The following PABPC4L variants were observed in gnomAD, a reference collection of about 807,000 sequenced individuals.
The protein encoded by PABPC4L is poly(A) binding protein cytoplasmic 4 like.
For missense variants in PABPC4L, 452 were observed against 451.4 expected (o/e 1.00, Z -0.01); for synonymous variants, 169 against 164.1 (o/e 1.03, Z -0.23).
chr4:134,020,511 T>C, the PABPC4L span, among the ~76,000 whole-genome samples: 2 of 152,050 alleles, frequency 1.3e-5, no homozygotes, highest in Non-Finnish European at 2.9e-5. Flanking sequence ...ACCTTAAACA[T>C]CTAGAAGCTA....
chr4:134,090,941 G>T, the PABPC4L span, among the ~76,000 whole-genome samples: 1 of 151,722 alleles, frequency 6.6e-6, no homozygotes, highest in Non-Finnish European at 1.5e-5. Flanking sequence ...TCTAATATCT[G>T]GTAAGTCTGA....
the PABPC4L span, among the ~76,000 whole-genome samples, chr4:134,147,586 TA>T: frequency 3.3e-5 from 5 of 152,078 alleles, no homozygotes; most frequent in Admixed American, 3.3e-4. Flanking sequence ...ATTCATGAAC[TA>T]AAAGAAAGAC....
the PABPC4L span, among the ~76,000 whole-genome samples, chr4:134,161,605 T>C: frequency 6.6e-6 from 1 of 152,112 alleles, no homozygotes; most frequent in Non-Finnish European, 1.5e-5. Context: ...AATAAAGATC[T>C]ACCAGACAAA....
At chr4:133,968,372 C>T in the PABPC4L span, among the ~76,000 whole-genome samples, 3 of 152,244 alleles carry the variant, frequency 2.0e-5, no homozygotes, top group South Asian at 2.1e-4. Flanking sequence ...TTGTTGACAA[C>T]GTGATAAATG....
the PABPC4L span, among the ~76,000 whole-genome samples, chr4:134,042,995 T>C: frequency 6.6e-6 from 1 of 152,144 alleles, no homozygotes; most frequent in East Asian, 1.9e-4. Context: ...TAAATGAAGG[T>C]CTTTTCTTGT....
chr4:133,988,311 C>T, the PABPC4L span, among the ~76,000 whole-genome samples: 1 of 152,152 alleles, frequency 6.6e-6, no homozygotes, highest in Non-Finnish European at 1.5e-5. Flanking sequence ...TCATCTGAGA[C>T]AAGGCAAGTG....
the PABPC4L span, among the ~76,000 whole-genome samples, chr4:134,003,269 C>T: frequency 6.6e-6 from 1 of 151,928 alleles, no homozygotes; most frequent in Non-Finnish European, 1.5e-5. Flanking sequence ...ATTCACATGT[C>T]CATTAGAAAC....
At chr4:133,964,666 T>C in the PABPC4L span, among the ~76,000 whole-genome samples, 5,875 of 151,950 alleles carry the variant, frequency 0.039, 158 homozygotes, top group Middle Eastern at 0.11. Flanking sequence ...GGTTCACATA[T>C]GCAAGTCAAC....
the PABPC4L span, among the ~76,000 whole-genome samples, chr4:133,973,339 T>A: frequency 6.7e-6 from 1 of 150,348 alleles, no homozygotes; most frequent in South Asian, 2.1e-4. Flanking sequence ...CTTACAAAAA[T>A]CTGATGCCCC....
At chr4:133,956,131 A>C in the PABPC4L span, among the ~76,000 whole-genome samples, 3 of 152,162 alleles carry the variant, frequency 2.0e-5, no homozygotes, top group African/African-American at 7.2e-5. Flanking sequence ...TGCTTGAAAA[A>C]CAAATTTAAA....
the PABPC4L span, among the ~76,000 whole-genome samples, chr4:134,060,309 T>C: frequency 6.6e-6 from 1 of 151,894 alleles, no homozygotes; most frequent in Non-Finnish European, 1.5e-5. Context: ...AGTGCTGAGC[T>C]GGGCTTATAG....
At chr4:133,973,238 A>G in the PABPC4L span, among the ~76,000 whole-genome samples, 1 of 151,982 alleles carries the variant, frequency 6.6e-6, no homozygotes, top group East Asian at 1.9e-4. Flanking sequence ...TTGGCTAAAG[A>G]AGATCTTCTA....
the PABPC4L span, among the ~76,000 whole-genome samples, chr4:134,040,404 G>A: frequency 1.3e-5 from 2 of 151,940 alleles, no homozygotes; most frequent in South Asian, 4.1e-4. Context: ...ACAGAACAGA[G>A]GCCTCAGAAA....
the PABPC4L span, among the ~76,000 whole-genome samples, chr4:134,077,157 C>G: frequency 6.6e-6 from 1 of 152,020 alleles, no homozygotes; most frequent in Non-Finnish European, 1.5e-5. Context: ...TCTGTGTTTT[C>G]TATAATACAC....
the PABPC4L span, among the ~76,000 whole-genome samples, chr4:134,022,093 G>T: frequency 6.6e-6 from 1 of 152,078 alleles, no homozygotes; most frequent in Non-Finnish European, 1.5e-5. Context: ...AAACCCATCA[G>T]TTACTTTTGA....
At chr4:133,990,890 A>C in the PABPC4L span, among the ~76,000 whole-genome samples, 1 of 152,184 alleles carries the variant, frequency 6.6e-6, no homozygotes, top group Admixed American at 6.6e-5. Flanking sequence ...CCTTCAGCTT[A>C]ATCCTCTCCT....
the PABPC4L span, among the ~76,000 whole-genome samples, chr4:133,971,221 A>C: frequency 1.3e-3 from 186 of 141,040 alleles, no homozygotes; most frequent in African/African-American, 4.8e-3. Flanking sequence ...CACGCATTCT[A>C]CTGCCTCAGC....
the PABPC4L span, among the ~76,000 whole-genome samples, chr4:134,128,119 G>A: frequency 1.3e-5 from 2 of 151,950 alleles, no homozygotes; most frequent in South Asian, 2.1e-4. Flanking sequence ...AAAGAAAAAA[G>A]AATTTTAAAA....
chr4:134,025,330 A>AG, the PABPC4L span, among the ~76,000 whole-genome samples: 1 of 146,466 alleles, frequency 6.8e-6, no homozygotes, highest in South Asian at 2.1e-4. Context: ...AAAAAAAAAA[A>AG]GAGTGCTGTG....
Sources: gnomAD v4.1 joint callset for allele counts (sites outside exome capture counted in the v4.1 genomes callset) on GRCh38, gnomAD v4.1.1 for gene constraint, MANE v1.5 for transcripts, NCBI Gene and HGNC (gene_info 2026-07-23, HGNC 2026-07-21) for gene names.